The following ACADSB variants were observed in gnomAD, a reference collection of about 807,000 sequenced individuals.
ACADSB encodes the protein short/branched chain specific acyl-CoA dehydrogenase, mitochondrial.
Under a neutral mutation model 54.1 loss-of-function variants are expected in ACADSB, and 40 were observed. That is an observed-to-expected ratio of 0.74 (90% confidence interval 0.57 to 0.96). The LOEUF (loss-of-function observed/expected upper bound fraction) is 0.96, where lower values mean the gene tolerates loss of function less well. ACADSB is among the 40% of genes least tolerant of loss of function. ACADSB has a pLI of 0.00. For missense variants in ACADSB, 530 were observed against 510.4 expected (o/e 1.04, Z -0.37); for synonymous variants, 182 against 182.8 (o/e 1.00, Z 0.03).
At chr10:123,048,397 G>C (rs1850588061) in intron 8 of ACADSB, among the ~76,000 whole-genome samples, 1 of 151,988 alleles carries the variant, frequency 6.6e-6, no homozygotes, top group Non-Finnish European at 1.5e-5. Context: ...AGTTCCCAAG[G>C]TCATAAAGCT....
At chr10:123,021,121 C>T (rs1329445627) in intron 1 of ACADSB, among the ~76,000 whole-genome samples, 1 of 152,174 alleles carries the variant, frequency 6.6e-6, no homozygotes, top group East Asian at 1.9e-4. Context: ...TTTCATTATC[C>T]TTTACAATTA....
At chr10:123,025,302 G>C (rs11248366) in intron 1 of ACADSB, among the ~76,000 whole-genome samples, 73,092 of 151,158 alleles carry the variant, frequency 0.48, 18,977 homozygotes, top group Non-Finnish European at 0.59. Context: ...GCAACAACAA[G>C]AACAACAACA....
At chr10:123,034,956 CTTT>C (rs1026343750) in intron 2 of ACADSB, among the ~76,000 whole-genome samples, 1 of 140,230 alleles carries the variant, frequency 7.1e-6, no homozygotes, top group Non-Finnish European at 1.6e-5. Context: ...TCTTTTTTTT[CTTT>C]TTTTTTTTGA....
At chr10:123,025,580 C>A (rs569257037) in intron 1 of ACADSB, among the ~76,000 whole-genome samples, 46 of 152,210 alleles carry the variant, frequency 3.0e-4, no homozygotes, top group African/African-American at 1.0e-3. Context: ...AGTTGTAATT[C>A]CTGCCATCAA....
intron 6 of ACADSB, among the ~76,000 whole-genome samples, chr10:123,043,724 T>A (rs1454192910): frequency 6.6e-6 from 1 of 152,172 alleles, no homozygotes; most frequent in African/African-American, 2.4e-5. Flanking sequence ...TCTTTACAGA[T>A]GTCACTGGGG....
Position 123,057,717 on chromosome 10 carries a change from A to T in ACADSB, c.*3952A>T, listed in dbSNP as rs1850726187. 6.6e-6 allele frequency: 1 copy of T among 152,252 alleles called. No individual in the cohort carries two copies. Among genetic ancestry groups the T allele is most frequent in the South Asian group, 2.1e-4 (1 of 4,830 alleles). 9.4% of individuals were successfully genotyped at this position (152,252 alleles called of 1,614,324 possible). ...AAAGATTTTAAAATCATGGAAAGTT[A>T]AAATCTAGAAAGACCTTAGAGAACC... is the stretch of plus-strand genomic sequence containing the variant. On this transcript the variant is annotated 3_prime_UTR_variant, in exon 11 of 11. Transcript: ENST00000358776.
At chr10:123,012,358 A>G (rs907943167) in intron 1 of ACADSB, among the ~76,000 whole-genome samples, 13 of 152,186 alleles carry the variant, frequency 8.5e-5, no homozygotes, top group African/African-American at 2.9e-4. Context: ...CCCAAAATTC[A>G]TGTGTTGGAA....
chr10:123,048,455 C>A (rs947352812), intron 8 of ACADSB, among the ~76,000 whole-genome samples: 8 of 151,766 alleles, frequency 5.3e-5, no homozygotes, highest in African/African-American at 1.9e-4. Flanking sequence ...GGCTTCTAGT[C>A]GAATTTTCAT....
At position 123,051,188 on chromosome 10, in the gene ACADSB, TAAAAAAAAAAAA is replaced by T. The variant is rs10571424; in HGVS notation, c.1128+15_1128+26del. 2.4e-5 allele frequency: 24 copies of T among 1,015,722 alleles called. No individual in the cohort carries two copies. The highest frequency in any genetic ancestry group is 9.9e-5 in the South Asian group (5 of 50,622). 62.9% of individuals were successfully genotyped at this position (1,015,722 alleles called of 1,614,324 possible). ...ATGGCCAAATACTATGCATCAGAGG[TAAAAAAAAAAAA>T]AAAAAAAAAAAAGGAAAAAGTAATT... On this transcript the variant is annotated splice_donor_5th_base_variant and intron_variant, in intron 9 of 10. Coordinates refer to ENST00000358776, the MANE Select transcript of ACADSB (RefSeq NM_001609.4).
rs541065607 is a variant in ACADSB at position 123,050,435 on chromosome 10, C to T, written c.991-614C>T. Among the ~76,000 whole-genome samples, 81 of 152,294 alleles carry T rather than the reference C, an allele frequency of 5.3e-4. No homozygotes were observed. In the South Asian group the frequency reaches 0.016, roughly 30 times the overall value. Reference sequence around the variant, plus strand: ...GAGAAACATTTCAGTTTGTAGTAAACATCTGTGCCTGTTATTTGCAGGAAA... The same window carrying T: ...GAGAAACATTTCAGTTTGTAGTAAATATCTGTGCCTGTTATTTGCAGGAAA... On this transcript the variant is annotated intron_variant, in intron 8 of 10. Coordinates refer to ENST00000358776, the MANE Select transcript of ACADSB (RefSeq NM_001609.4).
intron 1 of ACADSB, among the ~76,000 whole-genome samples, chr10:123,015,031 G>C (rs1194752670): frequency 1.3e-5 from 2 of 152,244 alleles, no homozygotes; most frequent in East Asian, 3.8e-4. Context: ...AATCTAGGAA[G>C]CTAGAAAGAA....
intron 1 of ACADSB, among the ~76,000 whole-genome samples, chr10:123,034,111 C>T (rs966263745): frequency 2.0e-5 from 3 of 152,188 alleles, no homozygotes; most frequent in Admixed American, 6.5e-5. Flanking sequence ...AGTTCTGTCT[C>T]CTTGATTGGT....
Position 123,009,174 on chromosome 10 carries a change from G to A in ACADSB, c.42+103G>A. 16 of 1,294,838 alleles carry A rather than the reference G, an allele frequency of 1.2e-5. 1 individual carries two copies. In the South Asian group the frequency reaches 1.7e-4, roughly 13 times the overall value. The allele number at this position is 1,294,838 out of a possible 1,614,324, so 80.2% of individuals were successfully genotyped here. On this transcript the variant is annotated intron_variant, in intron 1 of 10. Transcript: ENST00000358776. ...AACGGGCCTCGGGGCGCCGGCCTGA[G>A]CCCCGCTCCACGTCCTGGGTCCCCA... is the stretch of plus-strand genomic sequence containing the variant.
chr10:123,011,580 G>T (rs896544563), intron 1 of ACADSB, among the ~76,000 whole-genome samples: 1 of 148,866 alleles, frequency 6.7e-6, no homozygotes. Context: ...AGGTTGGAGT[G>T]CTGTGGTGCG....
chr10:123,035,487 G>A (rs2133475512), intron 2 of ACADSB, among the ~76,000 whole-genome samples: 1 of 152,310 alleles, frequency 6.6e-6, no homozygotes, highest in Non-Finnish European at 1.5e-5. Context: ...GATGTTAAGT[G>A]TATTCGTTTT....
At chr10:123,045,152 T>TATAGATATATATATAG (rs1850537954) in intron 7 of ACADSB, among the ~76,000 whole-genome samples, 1 of 12,000 alleles carries the variant, frequency 8.3e-5, no homozygotes, top group African/African-American at 2.6e-4. Context: ...TATATATATA[T>TATAGATATATATATAG]ATATATATAT....
intron 1 of ACADSB, among the ~76,000 whole-genome samples, chr10:123,032,476 T>G (rs916637232): frequency 6.6e-6 from 1 of 152,152 alleles, no homozygotes; most frequent in African/African-American, 2.4e-5. Context: ...TGACACATTC[T>G]TTCATTCATT....
rs562657925 is a variant in ACADSB at position 123,009,953 on chromosome 10, G to C, written c.42+882G>C. ...CCTTTGCATTTGCTTTAATGAGTTA[G>C]GCTTTCCAACTGCTGCTTCAGTCTT... is the stretch of plus-strand genomic sequence containing the variant. On this transcript the variant is annotated intron_variant, in intron 1 of 10. Transcript: ENST00000358776. Among the ~76,000 whole-genome samples the C allele has an allele frequency of 3.9e-5, 6 of 152,340 alleles. 1 individual carries two copies. The East Asian group carries it at 1.2e-3, about 29-fold the overall frequency.
intron 7 of ACADSB, 33 bp from the exon 8 acceptor site, chr10:123,047,176 A>T: frequency 6.6e-7 from 1 of 1,510,234 alleles, no homozygotes; most frequent in Non-Finnish European, 9.2e-7. Context: ...TAACAAAATA[A>T]GAAATTCTGA....
Sources: gnomAD v4.1 joint callset for allele counts (sites outside exome capture counted in the v4.1 genomes callset) on GRCh38, gnomAD v4.1.1 for gene constraint, MANE v1.5 for transcripts, NCBI Gene and HGNC (gene_info 2026-07-23, HGNC 2026-07-21) for gene names.